Variants in SLC5A8 observed in about 807,000 individuals in gnomAD.
SLC5A8 encodes the protein sodium-coupled monocarboxylate transporter 1.
SLC5A8 carries 55 observed loss-of-function variants against 71.9 expected under a neutral mutation model. The observed-to-expected ratio is 0.77, with a 90% CI of 0.62 to 0.96. The LOEUF is 0.96. SLC5A8 is among the 40% of genes least tolerant of loss of function. The pLI, the probability that SLC5A8 is intolerant of heterozygous loss-of-function variation, is 0.00. For missense variants in SLC5A8, 701 were observed against 745.3 expected, an observed-to-expected ratio of 0.94 and a Z score of 0.69; for synonymous variants, 307 against 276.1, an observed-to-expected ratio of 1.11 and a Z score of -1.11.
At chr12:101,158,455 A>G (rs1038189937) in intron 13 of SLC5A8, 127 bp from the exon 14 acceptor site, 1 of 637,324 alleles carries the variant, frequency 1.6e-6, no homozygotes, top group African/African-American at 1.9e-5. Flanking sequence ...ACACAAAGAG[A>G]AAGGGAAACT....
chr12:101,167,841 G>T (rs2051787588), intron 11 of SLC5A8, among the ~76,000 whole-genome samples: 1 of 152,276 alleles, frequency 6.6e-6, no homozygotes, highest in Non-Finnish European at 1.5e-5. Flanking sequence ...GCATAAAAAT[G>T]TTGCTCCTTT....
chr12:101,183,278 C>G (rs1203199393), intron 8 of SLC5A8, among the ~76,000 whole-genome samples: 1 of 152,022 alleles, frequency 6.6e-6, no homozygotes, highest in Non-Finnish European at 1.5e-5. Flanking sequence ...ATCTCCTGAC[C>G]TCATGATCCA....
chr12:101,161,186 T>C (rs2051720276), intron 13 of SLC5A8, among the ~76,000 whole-genome samples: 1 of 142,612 alleles, frequency 7.0e-6, no homozygotes, highest in Non-Finnish European at 1.5e-5. Context: ...ATAGATTAAA[T>C]AATTTTTTTT....
chr12:101,174,851 G>A (rs1044857539), intron 10 of SLC5A8, among the ~76,000 whole-genome samples: 2 of 152,182 alleles, frequency 1.3e-5, no homozygotes, highest in Non-Finnish European at 2.9e-5. Context: ...GAGAAAGCTG[G>A]CTAAAACAGA....
rs2051670300 is a variant in SLC5A8, at chr12:101,157,039, T to G, written c.*240A>C. The G allele has an allele frequency of 2.2e-6, 1 of 450,052 alleles. No individual in the cohort carries two copies. Among genetic ancestry groups the G allele is most frequent in the Non-Finnish European group, 3.9e-6 (1 of 253,838 alleles). The allele number at this position is 450,052 out of a possible 1,614,324, so 27.9% of individuals were successfully genotyped here. On this transcript the variant is annotated 3_prime_UTR_variant, in exon 15 of 15. Transcript: ENST00000536262. ...TATGTAGTTACAATTTTCACAATTATAGCTTCATCGAAATAAAGGAAAGAG... is the reference window on the plus strand; with the variant it reads ...TATGTAGTTACAATTTTCACAATTAGAGCTTCATCGAAATAAAGGAAAGAG...
intron 12 of SLC5A8, among the ~76,000 whole-genome samples, chr12:101,165,800 G>A (rs1371325269): frequency 6.6e-6 from 1 of 152,126 alleles, no homozygotes; most frequent in Non-Finnish European, 1.5e-5. Flanking sequence ...AATACTCTAG[G>A]GGCAATGGCA....
rs1389709886 is a variant in SLC5A8, at chr12:101,183,706, T to A, written c.1052+428A>T. Among the ~76,000 whole-genome samples the A allele has an allele frequency of 2.6e-5, 4 of 152,246 alleles. No individual in the cohort carries two copies. In the East Asian group the frequency reaches 7.7e-4, roughly 29 times the overall value. ...CGCAAGGAGAAAGGGCAATGATAGA[T>A]CACAAAATGTAAGATTCTTTGGGCA... On this transcript the variant is annotated intron_variant, in intron 8 of 14. Transcript: ENST00000536262.
intron 13 of SLC5A8, among the ~76,000 whole-genome samples, chr12:101,158,598 C>CTCTCTCTCTCTCTCTATA (rs1411795424): frequency 1.9e-4 from 4 of 21,242 alleles, no homozygotes; most frequent in Admixed American, 6.8e-4. Flanking sequence ...CTCTCTCTCT[C>CTCTCTCTCTCTCTCTATA]TATATATATA....
At chr12:101,164,554 G>A (rs1275323419) in intron 12 of SLC5A8, among the ~76,000 whole-genome samples, 2 of 152,102 alleles carry the variant, frequency 1.3e-5, no homozygotes, top group African/African-American at 2.4e-5. Context: ...ATGGAACTAG[G>A]ATGATTTCCT....
At chr12:101,202,027 T>C in intron 3 of SLC5A8, 137 bp downstream of exon 3, 1 of 841,034 alleles carries the variant, frequency 1.2e-6, no homozygotes, top group Non-Finnish European at 1.9e-6. Context: ...ACTGAACCCA[T>C]CCTGCCCCGC....
Position 101,193,650 on chromosome 12 carries a change from C to T in SLC5A8, c.667G>A (p.Asp223Asn), listed in dbSNP as rs199742636. ...TTCCAGAAATTTAATCTTCCACCAT[C>T]ATAGGCATCATTTAAAATAGTGCTG... is the stretch of plus-strand genomic sequence containing the variant. ...GISTILNDAY[D>N]GGRLNFWNFN... Residue 223 changes from aspartate (D) to asparagine (N), a missense_variant, in exon 5 of 15, where the codon GAT becomes AAT. Coordinates refer to ENST00000536262, the MANE Select transcript of SLC5A8 (RefSeq NM_145913.5). The T allele has an allele frequency of 1.9e-4, 313 of 1,613,892 alleles. No individual in the cohort carries two copies. The highest frequency in any genetic ancestry group is 2.4e-4 in the Non-Finnish European group (289 of 1,179,946).
chr12:101,180,286 C>T (rs145741669), intron 9 of SLC5A8, among the ~76,000 whole-genome samples, 190 bp from the exon 10 acceptor site: 1 of 152,228 alleles, frequency 6.6e-6, no homozygotes, highest in Non-Finnish European at 1.5e-5. Context: ...TTCAAGAGGA[C>T]GAAGCCCTTA....
intron 1 of SLC5A8, among the ~76,000 whole-genome samples, chr12:101,207,778 T>C (rs1318997333): frequency 6.6e-6 from 1 of 152,158 alleles, no homozygotes; most frequent in Admixed American, 6.5e-5. Context: ...TGTTGGAATA[T>C]TCCTCCCACC....
chr12:101,190,600 G>A lies in SLC5A8; in HGVS notation c.701C>T (p.Pro234Leu). ...GAAGGTGTGTCTTTGCAAAGGGTTA[G>A]GATTAAAACTAAATGACAAGAAACA... ...GGRLNFWNFN[P>L]NPLQRHTFWT... is the part of the protein sequence containing the mutation. The change falls in exon 6 of 15, where the codon CCT (proline) becomes CTT (leucine). Residue 234 changes from proline to leucine, a missense_variant. Physicochemically the swap from Pro to Leu is moderately conservative, Grantham distance 98. Coordinates refer to ENST00000536262, the MANE Select transcript of SLC5A8 (RefSeq NM_145913.5). 6.3e-7 allele frequency: 1 copy of A among 1,596,416 alleles called. No homozygotes were observed. Among genetic ancestry groups the A allele is most frequent in the Non-Finnish European group, 8.5e-7 (1 of 1,174,726 alleles).
intron 1 of SLC5A8, among the ~76,000 whole-genome samples, chr12:101,205,493 T>G (rs1401707010): frequency 1.3e-5 from 2 of 152,204 alleles, no homozygotes; most frequent in African/African-American, 4.8e-5. Flanking sequence ...GGAGCTAAGA[T>G]TTTCTTTAAC....
rs754770448 is a variant in SLC5A8 at position 101,209,749 on chromosome 12, AGGCGTAGTAGATGCCGAT to A, written c.82_99del (p.Ile28_Ala33del). On this transcript the variant is annotated inframe_deletion, in exon 1 of 15. Transcript: ENST00000536262. ...GAGGTCTGCTGGCCGCCCCCAGCGA[AGGCGTAGTAGATGCCGAT>A]GGCGGCCGAGATGACCAGCATGCCC... 6.2e-7 allele frequency: 1 copy of A among 1,612,138 alleles called. No individual in the cohort carries two copies. Among genetic ancestry groups the A allele is most frequent in the East Asian group, 2.2e-5 (1 of 44,842 alleles).
intron 1 of SLC5A8, among the ~76,000 whole-genome samples, chr12:101,206,913 G>GA (rs983746579): frequency 2.6e-5 from 4 of 151,886 alleles, no homozygotes; most frequent in Admixed American, 1.3e-4. Flanking sequence ...AGTGATGGAT[G>GA]AAAAAAAATG....
intron 5 of SLC5A8, among the ~76,000 whole-genome samples, chr12:101,191,469 T>C (rs1868906975): frequency 6.6e-6 from 1 of 152,216 alleles, no homozygotes; most frequent in African/African-American, 2.4e-5. Flanking sequence ...GGCATTCTTA[T>C]GGAAATGTGA....
intron 6 of SLC5A8, 50 bp downstream of exon 6, chr12:101,190,418 A>G: frequency 1.3e-6 from 2 of 1,575,498 alleles, no homozygotes; most frequent in Non-Finnish European, 1.7e-6. Flanking sequence ...AGTTTCCATA[A>G]AGACAACTGA....
Sources: allele counts gnomAD v4.1 joint callset (sites outside exome capture counted in the v4.1 genomes callset), GRCh38; gene constraint gnomAD v4.1.1; transcripts MANE v1.5; gene names NCBI Gene and HGNC (gene_info 2026-07-23, HGNC 2026-07-21).